The following CEP83 variants were observed in gnomAD, a reference collection of about 807,000 sequenced individuals.
CEP83 encodes the protein centrosomal protein 83.
A neutral mutation model predicts 101.9 loss-of-function variants in CEP83; 70 were observed. The observed-to-expected ratio is 0.69, with a 90% CI of 0.57 to 0.84. The LOEUF (loss-of-function observed/expected upper bound fraction) is 0.84. CEP83 is among the 40% of genes least tolerant of loss of function. The pLI is 0.00. For missense variants in CEP83, 715 were observed against 787.2 expected, an observed-to-expected ratio of 0.91 and a Z score of 1.10; for synonymous variants, 264 against 267.9, an observed-to-expected ratio of 0.99 and a Z score of 0.14.
chr12:94,414,038 G>A (rs2064098760), intron 2 of CEP83, among the ~76,000 whole-genome samples: 1 of 152,092 alleles, frequency 6.6e-6, no homozygotes, highest in South Asian at 2.1e-4. Flanking sequence ...TATTACTTAA[G>A]ACAATCTTTA....
At chr12:94,429,498 T>G (rs1252753325) in intron 2 of CEP83, among the ~76,000 whole-genome samples, 3 of 152,202 alleles carry the variant, frequency 2.0e-5, no homozygotes, top group Non-Finnish European at 4.4e-5. Context: ...AGACTGCACC[T>G]TGTGCTTGGG....
the CEP83 span, chr12:94,297,500 T>G: frequency 9.0e-6 from 9 of 999,666 alleles, 1 homozygote; most frequent in South Asian, 1.3e-4. Context: ...TCCACTGAAG[T>G]GTGAAAATGT....
intron 11 of CEP83, among the ~76,000 whole-genome samples, chr12:94,353,018 C>A (rs889241255): frequency 6.6e-6 from 1 of 152,052 alleles, no homozygotes; most frequent in Non-Finnish European, 1.5e-5. Context: ...ACTGATTCAA[C>A]CCAAAAAGGT....
intron 6 of CEP83, among the ~76,000 whole-genome samples, chr12:94,380,506 G>A (rs2061788596): frequency 6.6e-6 from 1 of 152,022 alleles, no homozygotes; most frequent in African/African-American, 2.4e-5. Flanking sequence ...TTACTTCCTG[G>A]TTTGGTCCCG....
At chr12:94,429,921 C>T (rs2065491376) in intron 2 of CEP83, among the ~76,000 whole-genome samples, 1 of 152,196 alleles carries the variant, frequency 6.6e-6, no homozygotes, top group African/African-American at 2.4e-5. Context: ...GCTGGTATCA[C>T]TGAAAGCAAC....
Position 94,309,912 on chromosome 12 carries a change from T to C in CEP83, c.2001+6A>G, listed in dbSNP as rs1969585347. The C allele has an allele frequency of 3.3e-6, 5 of 1,529,710 alleles. No homozygotes were observed. The highest frequency in any genetic ancestry group is 4.4e-6 in the Non-Finnish European group (5 of 1,130,804). 94.8% of individuals were successfully genotyped at this position (1,529,710 alleles called of 1,614,324 possible). A position where few individuals can be genotyped will look rare whatever the true frequency, so the allele number is the denominator to read the frequency against. Reference sequence around the variant, plus strand: ...TTTTTTTTCCCCCTAAAATAAATGCTCATACCTGCATATGAGGAGGAAATG... The same window carrying C: ...TTTTTTTTCCCCCTAAAATAAATGCCCATACCTGCATATGAGGAGGAAATG... On this transcript the variant is annotated splice_donor_region_variant and intron_variant, in intron 16 of 16. Transcript: ENST00000397809.
chr12:94,333,689 T>A, intron 12 of CEP83, 50 bp from the exon 13 acceptor site: 1 of 1,573,294 alleles, frequency 6.4e-7, no homozygotes, highest in Non-Finnish European at 8.7e-7. Flanking sequence ...ATAAATGCGG[T>A]AAGGTATGAG....
intron 2 of CEP83, among the ~76,000 whole-genome samples, chr12:94,413,893 A>C (rs185834427): frequency 6.6e-6 from 1 of 151,194 alleles, no homozygotes; most frequent in East Asian, 1.9e-4. Flanking sequence ...TCCTGATAGA[A>C]TCTTCCTTAG....
chr12:94,406,255 G>A (rs1279901395), intron 4 of CEP83, among the ~76,000 whole-genome samples: 1 of 152,018 alleles, frequency 6.6e-6, no homozygotes. Flanking sequence ...ATATTGGGAG[G>A]TGGAGATTGC....
At chr12:94,322,038 C>T (rs189310769) in intron 14 of CEP83, among the ~76,000 whole-genome samples, 27 of 152,302 alleles carry the variant, frequency 1.8e-4, no homozygotes, top group Non-Finnish European at 3.4e-4. Flanking sequence ...TCTCTGGGAA[C>T]TCTGTCCCAG....
At chr12:94,286,616 C>CAAAAAAA in the CEP83 span, among the ~76,000 whole-genome samples, 4 of 101,376 alleles carry the variant, frequency 3.9e-5, no homozygotes, top group Non-Finnish European at 5.7e-5. Context: ...TGCTTAAAAG[C>CAAAAAAA]AAAAAAAAAA....
intron 6 of CEP83, among the ~76,000 whole-genome samples, chr12:94,383,546 T>C (rs1213745932): frequency 6.6e-6 from 1 of 152,104 alleles, no homozygotes; most frequent in Non-Finnish European, 1.5e-5. Context: ...TCAAACACTG[T>C]AATCTGGGGA....
the CEP83 span, among the ~76,000 whole-genome samples, chr12:94,286,428 C>T: frequency 0.015 from 2,338 of 152,122 alleles, 31 homozygotes; most frequent in Middle Eastern, 0.027. Flanking sequence ...GATTAAGCAG[C>T]GCCTCCGCAG....
chr12:94,338,225 A>G (rs2059533143), intron 11 of CEP83, among the ~76,000 whole-genome samples: 1 of 152,232 alleles, frequency 6.6e-6, no homozygotes, highest in African/African-American at 2.4e-5. Flanking sequence ...TGGGTAGTTC[A>G]ACAATATGAA....
intron 4 of CEP83, among the ~76,000 whole-genome samples, chr12:94,403,951 CT>C (rs1297841249): frequency 2.0e-5 from 3 of 151,174 alleles, no homozygotes; most frequent in African/African-American, 7.3e-5. Context: ...GTTCAGTTTC[CT>C]TTTTTATGAA....
chr12:94,415,044 ATG>A (rs1473397606), intron 2 of CEP83, among the ~76,000 whole-genome samples: 1 of 152,132 alleles, frequency 6.6e-6, no homozygotes. Flanking sequence ...TGGCATAAAA[ATG>A]TGTTTTTATT....
chr12:94,294,937 A>G, the CEP83 span, among the ~76,000 whole-genome samples: 95 of 152,336 alleles, frequency 6.2e-4, 1 homozygote, highest in East Asian at 0.015. Context: ...AAACAAGATA[A>G]TCCACTTAGA....
intron 8 of CEP83, among the ~76,000 whole-genome samples, chr12:94,374,033 G>T (rs2061415646): frequency 6.6e-6 from 1 of 152,036 alleles, no homozygotes; most frequent in African/African-American, 2.4e-5. Flanking sequence ...CCTTTAAAAA[G>T]ACAGGCAACT....
intron 1 of CEP83, among the ~76,000 whole-genome samples, chr12:94,446,014 T>C (rs575111947): frequency 1.3e-5 from 2 of 152,366 alleles, no homozygotes; most frequent in East Asian, 3.9e-4. Flanking sequence ...GACAATACTA[T>C]GTAGTACAAA....
Sources: gnomAD v4.1 joint callset for allele counts (sites outside exome capture counted in the v4.1 genomes callset) on GRCh38, gnomAD v4.1.1 for gene constraint, MANE v1.5 for transcripts, NCBI Gene and HGNC (gene_info 2026-07-23, HGNC 2026-07-21) for gene names.